STXBP5L: variants seen among roughly 807,000 people sequenced by gnomAD.
The protein encoded by STXBP5L is syntaxin binding protein 5L.
In STXBP5L, 65 loss-of-function variants were observed where a neutral mutation model predicts 144.5. The observed-to-expected ratio is 0.45, with a 90% CI of 0.37 to 0.55. The LOEUF (loss-of-function observed/expected upper bound fraction) is 0.55, where lower values mean the gene tolerates loss of function less well. Ranked by LOEUF, STXBP5L falls within the 20% of genes least tolerant of loss-of-function variation. The pLI is 0.00. For synonymous variants in STXBP5L, 505 were observed against 469.6 expected (o/e 1.08, Z -0.97); for missense variants, 1,298 against 1,405.5 (o/e 0.92, Z 1.22).
rs1438231606 is a variant in STXBP5L, at chr3:120,961,107, T to G, written c.287+6070T>G. On this transcript the variant is annotated intron_variant, in intron 3 of 26. Coordinates refer to ENST00000471454, the MANE Select transcript of STXBP5L (RefSeq NM_001308330.2). ...TCTTTGAAGTTTTAAAATTTGTTGG[T>G]GCATAGTTGTTCGTAATAGTTTCTA... Among the ~76,000 whole-genome samples the G allele has an allele frequency of 2.0e-5, 3 of 152,074 alleles. No homozygotes were observed. In the East Asian group the frequency reaches 5.8e-4, roughly 29 times the overall value.
At chr3:121,134,919 C>G (rs1369678994) in intron 7 of STXBP5L, among the ~76,000 whole-genome samples, 2 of 152,034 alleles carry the variant, frequency 1.3e-5, no homozygotes, top group Non-Finnish European at 1.5e-5. Context: ...GGGTATATAC[C>G]CAGTAATGGG....
intron 22 of STXBP5L, among the ~76,000 whole-genome samples, chr3:121,383,774 G>C (rs1439483904): frequency 1.3e-5 from 2 of 152,068 alleles, no homozygotes; most frequent in African/African-American, 4.8e-5. Flanking sequence ...TTGACTAACT[G>C]TCCCGGTCTT....
chr3:121,275,106 G>A (rs368805736), intron 18 of STXBP5L, among the ~76,000 whole-genome samples: 1 of 152,064 alleles, frequency 6.6e-6, no homozygotes. Context: ...CCAATATCTA[G>A]GTCTGTCTTT....
chr3:121,193,612 C>T (rs1222367277), intron 9 of STXBP5L, among the ~76,000 whole-genome samples: 1 of 152,170 alleles, frequency 6.6e-6, no homozygotes, highest in Non-Finnish European at 1.5e-5. Context: ...GAAAATGTGG[C>T]ACATATACAC....
Position 120,955,021 on chromosome 3 carries a change from A to G in STXBP5L, c.271A>G (p.Thr91Ala), listed in dbSNP as rs770916793. 1 of 1,612,362 alleles carries G rather than the reference A, an allele frequency of 6.2e-7. No individual in the cohort carries two copies. Among genetic ancestry groups the G allele is most frequent in the South Asian group, 1.1e-5 (1 of 91,026 alleles). The change falls in exon 3 of 27, where the codon ACA (threonine) becomes GCA (alanine). Residue 91 changes from threonine to alanine, a missense_variant. Transcript: ENST00000471454. ...VQKILAIGTRTGAIRILGRPG... is the reference protein window; with the variant it reads ...VQKILAIGTRAGAIRILGRPG... The stretch of plus-strand genomic sequence containing the variant: ...GAAAATCTTGGCTATTGGGACGAGA[A>G]CAGGTGCTATACGAATGTATCCTTA...
chr3:121,260,399 G>T (rs566078744), intron 18 of STXBP5L, among the ~76,000 whole-genome samples: 42 of 152,044 alleles, frequency 2.8e-4, no homozygotes, highest in African/African-American at 8.9e-4. Context: ...TTACTTTAAA[G>T]AATTTTTTGC....
At chr3:121,298,924 C>T (rs1160661066) in intron 19 of STXBP5L, among the ~76,000 whole-genome samples, 1 of 152,044 alleles carries the variant, frequency 6.6e-6, no homozygotes, top group Non-Finnish European at 1.5e-5. Context: ...TGTTTTTTAC[C>T]ATTGAATATA....
intron 3 of STXBP5L, among the ~76,000 whole-genome samples, chr3:120,964,891 A>T (rs577664448): frequency 6.6e-6 from 1 of 152,108 alleles, no homozygotes; most frequent in South Asian, 2.1e-4. Flanking sequence ...TCCCATTATT[A>T]TTGTGTGGGA....
At position 120,989,461 on chromosome 3, in the gene STXBP5L, G is replaced by T. The variant is rs189547837; in HGVS notation, c.287+34424G>T. Among the ~76,000 whole-genome samples, 509 of 152,126 alleles carry T rather than the reference G, an allele frequency of 3.3e-3. 2 individuals are homozygous for T. Among genetic ancestry groups the T allele is most frequent in the Non-Finnish European group, 5.8e-3 (397 of 67,972 alleles). On this transcript the variant is annotated intron_variant, in intron 3 of 26. Coordinates refer to ENST00000471454, the MANE Select transcript of STXBP5L (RefSeq NM_001308330.2). ...TGCAAAATGTCTGTTCATGTAATTT[G>T]CCCACTCTTTAATGGGTTTGCTTTT...
At chr3:121,045,152 A>T (rs1041380416) in intron 4 of STXBP5L, among the ~76,000 whole-genome samples, 1 of 152,160 alleles carries the variant, frequency 6.6e-6, no homozygotes, top group Non-Finnish European at 1.5e-5. Flanking sequence ...AAAACCTTTA[A>T]TGGCCATAAC....
rs145313653 is a variant in STXBP5L at position 120,977,553 on chromosome 3, T to G, written c.287+22516T>G. ...CATTTAGTCCTTTTACATTGAAAGTTAATATTGTTATGTGTGAATTTGATC... is the reference window on the plus strand; with the variant it reads ...CATTTAGTCCTTTTACATTGAAAGTGAATATTGTTATGTGTGAATTTGATC... On this transcript the variant is annotated intron_variant, in intron 3 of 26. Coordinates refer to ENST00000471454, the MANE Select transcript of STXBP5L (RefSeq NM_001308330.2). 2.7e-3 allele frequency among the ~76,000 whole-genome samples: 404 copies of G among 152,324 alleles called. 5 individuals are homozygous for G. The highest frequency in any genetic ancestry group is 0.021 in the South Asian group (99 of 4,828).
At chr3:120,962,288 C>T (rs1938936704) in intron 3 of STXBP5L, among the ~76,000 whole-genome samples, 1 of 152,092 alleles carries the variant, frequency 6.6e-6, no homozygotes, top group South Asian at 2.1e-4. Flanking sequence ...TAATTAGATC[C>T]CATTTGTCAA....
chr3:121,170,021 T>A (rs902086780), intron 9 of STXBP5L, among the ~76,000 whole-genome samples: 1 of 150,916 alleles, frequency 6.6e-6, no homozygotes, highest in Non-Finnish European at 1.5e-5. Flanking sequence ...GCAATCAAAT[T>A]AGAACTCAGG....
chr3:121,359,982 A>G (rs562746542), intron 20 of STXBP5L, among the ~76,000 whole-genome samples: 1 of 47,038 alleles, frequency 2.1e-5, no homozygotes, highest in Admixed American at 1.7e-4. Context: ...ATAATATAAT[A>G]TATATAATAT....
chr3:120,983,436 C>T (rs1219473882), intron 3 of STXBP5L, among the ~76,000 whole-genome samples: 1 of 152,058 alleles, frequency 6.6e-6, no homozygotes, highest in East Asian at 1.9e-4. Context: ...TTTGAGTGCC[C>T]TGCTTTCTCT....
At chr3:120,984,912 T>C (rs1942152422) in intron 3 of STXBP5L, among the ~76,000 whole-genome samples, 1 of 152,072 alleles carries the variant, frequency 6.6e-6, no homozygotes, top group Non-Finnish European at 1.5e-5. Context: ...TCTACATCAA[T>C]TGAGATGTTG....
chr3:121,279,969 A>G lies in STXBP5L; in HGVS notation c.2110+13A>G. On this transcript the variant is annotated intron_variant, in intron 19 of 26. Transcript: ENST00000471454. ...CAGTTCATTGCAGGTAGGAGATAAA[A>G]CAAGATGAGTTATGAACTTGATTTG... 1 of 1,609,202 alleles carries G rather than the reference A, an allele frequency of 6.2e-7. No individual in the cohort carries two copies. The highest frequency in any genetic ancestry group is 1.3e-5 in the African/African-American group (1 of 74,828).
chr3:121,063,035 A>T (rs1370935813), intron 5 of STXBP5L, among the ~76,000 whole-genome samples: 1 of 152,064 alleles, frequency 6.6e-6, no homozygotes, highest in Non-Finnish European at 1.5e-5. Context: ...TTCTCCATCC[A>T]GTTTTGTTCC....
At chr3:120,923,241 T>C (rs1431470102) in intron 2 of STXBP5L, among the ~76,000 whole-genome samples, 1 of 152,050 alleles carries the variant, frequency 6.6e-6, no homozygotes, top group African/African-American at 2.4e-5. Context: ...TATTCTTTTT[T>C]TCTTAGTCTA....
Sources: gnomAD v4.1 joint callset for allele counts (sites outside exome capture counted in the v4.1 genomes callset) on GRCh38, gnomAD v4.1.1 for gene constraint, MANE v1.5 for transcripts, NCBI Gene and HGNC (gene_info 2026-07-23, HGNC 2026-07-21) for gene names.